Variants in SMCP observed in about 807,000 individuals in gnomAD.
The protein encoded by SMCP is sperm mitochondria associated cysteine rich protein.
For missense variants in SMCP, 137 were observed against 137.1 expected (o/e 1.00, Z 0.01); for synonymous variants, 41 against 46.9 (o/e 0.87, Z 0.51).
intron 1 of SMCP, among the ~76,000 whole-genome samples, chr1:152,878,857 T>C (rs1455392116): frequency 6.6e-6 from 1 of 152,142 alleles, no homozygotes; most frequent in Admixed American, 6.5e-5. Flanking sequence ...AGTGAGCATG[T>C]GGGGACAGAG....
In SMCP at chr1:152,884,743, C is replaced by A. The variant is rs747022503; in HGVS notation, c.321C>A (p.Ser107Arg). 6.2e-7 allele frequency: 1 copy of A among 1,614,166 alleles called. No homozygotes were observed. The change falls in exon 2 of 2, where the codon AGC (serine) becomes AGA (arginine). Residue 107 changes from serine (S) to arginine (R), a missense_variant. By Grantham distance (110) the Ser-to-Arg change is moderately radical (BLOSUM62 -1). Coordinates refer to ENST00000368765, the MANE Select transcript of SMCP (RefSeq NM_030663.3). ...KGCQTQQQPH[S>R]PQNESRPSK ...GTCAAACCCAGCAGCAGCCCCATAG[C>A]CCACAAAATGAGTCCAGGCCAAGCA...
At chr1:152,882,658 T>TGC (rs1241275545) in intron 1 of SMCP, among the ~76,000 whole-genome samples, 4 of 144,968 alleles carry the variant, frequency 2.8e-5, no homozygotes, top group Non-Finnish European at 4.4e-5. Flanking sequence ...TGCACTTAGG[T>TGC]GCACACACAC....
In SMCP at chr1:152,884,708, G is replaced by C; in HGVS notation, c.286G>C (p.Asp96His). ...TGAGCCCAACTCACCGCAAACTCAG[G>C]ACAAGGGCTGTCAAACCCAGCAGCA... Reference protein sequence around the residue: ...ESEPNSPQTQDKGCQTQQQPH... With the variant: ...ESEPNSPQTQHKGCQTQQQPH... Residue 96 changes from aspartate (D) to histidine (H), a missense_variant, in exon 2 of 2, where the codon GAC becomes CAC. Physicochemically the swap from Asp to His is moderately conservative, Grantham distance 81 (BLOSUM62 -1). Coordinates refer to ENST00000368765, the MANE Select transcript of SMCP (RefSeq NM_030663.3). 1 of 1,614,232 alleles carries C rather than the reference G, an allele frequency of 6.2e-7. No homozygotes were observed. The highest frequency in any genetic ancestry group is 8.5e-7 in the Non-Finnish European group (1 of 1,180,054).
chr1:152,878,812 T>C (rs938935022), intron 1 of SMCP, among the ~76,000 whole-genome samples: 2 of 152,152 alleles, frequency 1.3e-5, no homozygotes, highest in Non-Finnish European at 2.9e-5. Flanking sequence ...CGAGGAGTGA[T>C]GTGTAAGCAG....
In SMCP at chr1:152,885,025, GAAAT is replaced by G. The variant is rs1649176178; in HGVS notation, c.*256_*259del. ...GTGATCCTGACATTTAGACAGCACA[GAAAT>G]AAAGAGCAATAAAAAGAACATTGCC... On this transcript the variant is annotated 3_prime_UTR_variant, in exon 2 of 2. Coordinates refer to ENST00000368765, the MANE Select transcript of SMCP (RefSeq NM_030663.3). 2.0e-6 allele frequency: 1 copy of G among 508,844 alleles called. No individual in the cohort carries two copies. Among genetic ancestry groups the G allele is most frequent in the African/African-American group, 1.9e-5 (1 of 52,180 alleles). The allele number at this position is 508,844 out of a possible 1,614,324, so 31.5% of individuals were successfully genotyped here.
chr1:152,881,458 G>A (rs1649040353), intron 1 of SMCP, among the ~76,000 whole-genome samples: 1 of 151,936 alleles, frequency 6.6e-6, no homozygotes, highest in Admixed American at 6.5e-5. Context: ...GGAGGCCGAG[G>A]CGGGTGGATC....
chr1:152,884,390 T>C lies in SMCP; in HGVS notation c.-20-13T>C. The C allele has an allele frequency of 1.2e-6, 2 of 1,606,260 alleles. No individual in the cohort carries two copies. The highest frequency in any genetic ancestry group is 8.5e-7 in the Non-Finnish European group (1 of 1,174,590). On this transcript the variant is annotated splice_polypyrimidine_tract_variant and intron_variant, in intron 1 of 1. Coordinates refer to ENST00000368765, the MANE Select transcript of SMCP (RefSeq NM_030663.3). ...GATTTCCTTCTGATGAGAATATTAT[T>C]TTCTTTTTCTAGTACCTCCAAGTGT...
At chr1:152,881,745 G>A (rs1649060493) in intron 1 of SMCP, among the ~76,000 whole-genome samples, 1 of 150,330 alleles carries the variant, frequency 6.7e-6, no homozygotes, top group Admixed American at 6.6e-5. Flanking sequence ...ATTTATAAAG[G>A]AAAGAAGTTT....
rs954369826 is a variant in SMCP, at chr1:152,884,405, C to T, written c.-18C>T. On this transcript the variant is annotated splice_region_variant and 5_prime_UTR_variant, in exon 2 of 2. Coordinates refer to ENST00000368765, the MANE Select transcript of SMCP (RefSeq NM_030663.3). The stretch of plus-strand genomic sequence containing the variant: ...AGAATATTATTTTCTTTTTCTAGTA[C>T]CTCCAAGTGTTCAGAAGATGTGTGA... The T allele has an allele frequency of 1.1e-5, 17 of 1,612,272 alleles. No homozygotes were observed. The Middle Eastern group carries it at 4.9e-4, about 47-fold the overall frequency.
chr1:152,880,552 G>T (rs1047215824), intron 1 of SMCP, among the ~76,000 whole-genome samples: 1 of 152,072 alleles, frequency 6.6e-6, no homozygotes, highest in Admixed American at 6.5e-5. Flanking sequence ...GCAAGTCAAG[G>T]CATCGCAGGG....
chr1:152,883,773 T>C (rs1395204375), intron 1 of SMCP, among the ~76,000 whole-genome samples: 3 of 152,202 alleles, frequency 2.0e-5, no homozygotes, highest in Non-Finnish European at 2.9e-5. Context: ...AAGAGCACTG[T>C]ACTTTTCATT....
intron 1 of SMCP, among the ~76,000 whole-genome samples, chr1:152,881,712 A>AAT (rs1466610793): frequency 1.3e-5 from 2 of 151,658 alleles, no homozygotes; most frequent in Admixed American, 6.6e-5. Flanking sequence ...AAAAAAAAAA[A>AAT]AGATACTACC....
intron 1 of SMCP, among the ~76,000 whole-genome samples, chr1:152,880,518 T>C (rs143876318): frequency 7.9e-4 from 121 of 152,240 alleles, no homozygotes; most frequent in African/African-American, 2.8e-3. Flanking sequence ...ATTGCTCACC[T>C]CTCTCCTTCC....
At chr1:152,881,694 CAA>C (rs767042818) in intron 1 of SMCP, among the ~76,000 whole-genome samples, 9 of 70,162 alleles carry the variant, frequency 1.3e-4, no homozygotes, top group Non-Finnish European at 2.1e-4. Flanking sequence ...GACTCCGTCT[CAA>C]AAAAAAAAAA....
Position 152,884,653 on chromosome 1 carries a change from G to T in SMCP, c.231G>T (p.Lys77Asn). The T allele has an allele frequency of 1.2e-6, 2 of 1,614,194 alleles. No homozygotes were observed. Among genetic ancestry groups the T allele is most frequent in the Non-Finnish European group, 8.5e-7 (1 of 1,180,032 alleles). ...IQARCCGLET[K>N]PEVSPLNMES... ...CCAGGTGCTGTGGTTTGGAGACCAA[G>T]CCTGAAGTCTCACCCCTTAACATGG... Residue 77 changes from lysine (K) to asparagine (N), a missense_variant, in exon 2 of 2, where the codon AAG (lysine) becomes AAT (asparagine). Coordinates refer to ENST00000368765, the MANE Select transcript of SMCP (RefSeq NM_030663.3).
At chr1:152,879,521 A>G (rs1648973579) in intron 1 of SMCP, among the ~76,000 whole-genome samples, 1 of 152,166 alleles carries the variant, frequency 6.6e-6, no homozygotes, top group African/African-American at 2.4e-5. Flanking sequence ...GTGCCCGGCC[A>G]AGGAGAGAAT....
chr1:152,880,142 A>G (rs1179758523), intron 1 of SMCP, among the ~76,000 whole-genome samples: 3 of 152,174 alleles, frequency 2.0e-5, no homozygotes, highest in African/African-American at 7.2e-5. Context: ...AAAAATAGCA[A>G]AAGGCAAAAA....
chr1:152,881,694 C>CAAAAAAA (rs767042818), intron 1 of SMCP, among the ~76,000 whole-genome samples: 2 of 70,164 alleles, frequency 2.9e-5, no homozygotes, highest in Admixed American at 1.5e-4. Context: ...GACTCCGTCT[C>CAAAAAAA]AAAAAAAAAA....
At position 152,884,502 on chromosome 1, in the gene SMCP, G is replaced by T; in HGVS notation, c.80G>T (p.Cys27Phe). 6.2e-7 allele frequency: 1 copy of T among 1,613,954 alleles called. No individual in the cohort carries two copies. The highest frequency in any genetic ancestry group is 2.2e-5 in the East Asian group (1 of 44,888). ...QCCPPQQNQC[C>F]QSKGNQCCPP... The stretch of plus-strand genomic sequence containing the variant: ...TGCCCACCACAGCAGAACCAGTGCT[G>T]CCAGTCAAAAGGCAATCAATGCTGC... Residue 27 changes from cysteine to phenylalanine, a missense_variant, in exon 2 of 2, where the codon TGC becomes TTC. Transcript: ENST00000368765.
Sources: allele counts gnomAD v4.1 joint callset (sites outside exome capture counted in the v4.1 genomes callset), GRCh38; gene constraint gnomAD v4.1.1; transcripts MANE v1.5; gene names NCBI Gene and HGNC (gene_info 2026-07-23, HGNC 2026-07-21).